The following PARG variants were observed in gnomAD, a reference collection of about 807,000 sequenced individuals.
PARG encodes the protein poly(ADP-ribose) glycohydrolase.
In PARG, 35 loss-of-function variants were observed where a neutral mutation model predicts 113.0. That is an observed-to-expected ratio of 0.31 (90% CI 0.24 to 0.41). The LOEUF is 0.41. Ranked by LOEUF, PARG falls within the 10% of genes least tolerant of loss-of-function variation. PARG has a pLI of 1.00. For synonymous variants in PARG, 330 were observed against 409.9 expected (o/e 0.81, Z 2.36); for missense variants, 797 against 1,169.4 (o/e 0.68, Z 4.64).
At chr10:49,931,172 G>A (rs1397821270) in intron 4 of PARG, among the ~76,000 whole-genome samples, 5 of 151,576 alleles carry the variant, frequency 3.3e-5, no homozygotes, top group East Asian at 1.9e-4. Context: ...CATAGCCCTC[G>A]TTATAGTCTT....
Position 49,933,724 on chromosome 10 carries a change from C to T in PARG, c.724G>A (p.Asp242Asn), listed in dbSNP as rs1282919973. 93 of 1,611,264 alleles carry T rather than the reference C, an allele frequency of 5.8e-5. No individual in the cohort carries two copies. The East Asian group carries it at 1.9e-3, about 34-fold the overall frequency. The change falls in exon 3 of 18, where the codon GAT becomes AAT. Residue 242 changes from aspartate (D) to asparagine (N), a missense_variant. Around this residue, in one of 5 missense-constraint regions of PARG, gnomAD observed 284 missense variants for 306.1 expected, o/e 0.93. Coordinates refer to ENST00000616448, the MANE Select transcript of PARG (RefSeq NM_003631.5). ...KSHQKCSKSC[D>N]PGEDCASCQQ... ...CAACTTGCACAGTCTTCCCCAGGAT[C>T]GCAAGACTTGCTGCACTTCTGGTGG...
At chr10:49,939,617 T>C (rs1838921720) in intron 1 of PARG, among the ~76,000 whole-genome samples, 2 of 152,306 alleles carry the variant, frequency 1.3e-5, no homozygotes, top group East Asian at 3.9e-4. Flanking sequence ...AACCACAGAA[T>C]AAGGTTGAAA....
intron 9 of PARG, among the ~76,000 whole-genome samples, chr10:49,875,737 T>TA (rs1846905323): frequency 1.3e-5 from 1 of 77,402 alleles, no homozygotes; most frequent in Admixed American, 1.6e-4. Flanking sequence ...GTAGTCTAGG[T>TA]AGTACAGTAG....
At chr10:49,896,327 T>C (rs540765701) in intron 7 of PARG, among the ~76,000 whole-genome samples, 1 of 152,268 alleles carries the variant, frequency 6.6e-6, no homozygotes, top group South Asian at 2.1e-4. Context: ...CTTTGTCAAC[T>C]AGGCTGGAGT....
intron 16 of PARG, among the ~76,000 whole-genome samples, chr10:49,826,960 G>T (rs1554829489): frequency 6.6e-6 from 1 of 152,178 alleles, no homozygotes; most frequent in Non-Finnish European, 1.5e-5. Context: ...CAAACAGAGG[G>T]AGAGCCTGAT....
intron 7 of PARG, among the ~76,000 whole-genome samples, chr10:49,910,452 G>A (rs1554845960): frequency 2.0e-5 from 3 of 151,960 alleles, no homozygotes; most frequent in African/African-American, 7.3e-5. Context: ...ACTTTTAAAT[G>A]TCCTCTCCTT....
chr10:49,834,879 T>A (rs1257342158), intron 15 of PARG, among the ~76,000 whole-genome samples: 2 of 152,094 alleles, frequency 1.3e-5, no homozygotes, highest in African/African-American at 4.8e-5. Flanking sequence ...AAAAATTAAA[T>A]GATAAAATTA....
chr10:49,820,080 T>C (rs948347016), intron 17 of PARG, 85 bp downstream of exon 17: 2 of 924,428 alleles, frequency 2.2e-6, no homozygotes, highest in Non-Finnish European at 3.3e-6. Flanking sequence ...GTACCCACTG[T>C]GATTCATCCA....
At chr10:49,895,023 T>C (rs1554842387) in intron 7 of PARG, among the ~76,000 whole-genome samples, 4 of 152,134 alleles carry the variant, frequency 2.6e-5, no homozygotes, top group African/African-American at 9.7e-5. Context: ...CCTCAGTGTC[T>C]TTGTCTCTGT....
intron 7 of PARG, chr10:49,910,060 A>T (rs542969231): frequency 4.3e-4 from 65 of 152,356 alleles, no homozygotes; most frequent in African/African-American, 1.5e-3. Context: ...TAATAACATG[A>T]TCAACTTAAT....
chr10:49,832,584 T>C (rs1844724875), intron 16 of PARG, among the ~76,000 whole-genome samples: 1 of 152,172 alleles, frequency 6.6e-6, no homozygotes, highest in African/African-American at 2.4e-5. Context: ...AAATACTGTG[T>C]CTGGGGGATC....
chr10:49,819,356 T>C lies in PARG; in HGVS notation c.2915A>G (p.Gln972Arg). The C allele has an allele frequency of 1.3e-6, 2 of 1,551,454 alleles. No individual in the cohort carries two copies. The stretch of plus-strand genomic sequence containing the variant: ...CTCGGCTCCTCAGGTCCCTGTCCTT[T>C]GCCCTGAATGGTCAGCGGTCTCTGC... ...SCAETADHSG[Q>R]RTGT Residue 972 changes from glutamine (Q) to arginine (R), a missense_variant, in exon 18 of 18, where the codon CAA becomes CGA. Around this residue, in one of 5 missense-constraint regions of PARG, gnomAD observed 194 missense variants for 247.1 expected, o/e 0.79. Transcript: ENST00000616448.
chr10:49,923,399 T>C (rs1420147499), intron 4 of PARG, among the ~76,000 whole-genome samples: 1 of 152,176 alleles, frequency 6.6e-6, no homozygotes. Flanking sequence ...ATATTAACTT[T>C]GTATTCTGAA....
intron 15 of PARG, among the ~76,000 whole-genome samples, chr10:49,834,460 A>G (rs1844817773): frequency 6.6e-6 from 1 of 152,208 alleles, no homozygotes; most frequent in Non-Finnish European, 1.5e-5. Flanking sequence ...ACTAAGGCCT[A>G]ATGATTGAGA....
chr10:49,840,023 A>G (rs1166938182), intron 15 of PARG, among the ~76,000 whole-genome samples: 2 of 152,238 alleles, frequency 1.3e-5, no homozygotes, highest in African/African-American at 4.8e-5. Flanking sequence ...TACTGGGGAC[A>G]ATTGCTTTAA....
rs1252245924 is a variant in PARG at position 49,932,514 on chromosome 10, C to T, written c.1272-231G>A. Reference sequence around the variant, plus strand: ...AAAGTTCCAAACACATGTAAATCACCTTCTCAAAACAGAAATGAGTCATGG... The same window carrying T: ...AAAGTTCCAAACACATGTAAATCACTTTCTCAAAACAGAAATGAGTCATGG... On this transcript the variant is annotated intron_variant, in intron 3 of 17. Transcript: ENST00000616448. 3.9e-5 allele frequency among the ~76,000 whole-genome samples: 6 copies of T among 152,188 alleles called. No individual in the cohort carries two copies. The East Asian group carries it at 1.2e-3, about 29-fold the overall frequency.
At chr10:49,899,744 C>T (rs1848264624) in intron 7 of PARG, among the ~76,000 whole-genome samples, 1 of 149,792 alleles carries the variant, frequency 6.7e-6, no homozygotes, top group Non-Finnish European at 1.5e-5. Flanking sequence ...GTGACACATA[C>T]AAATGGCTGT....
At chr10:49,927,385 A>AGAAG (rs1838254298) in intron 4 of PARG, among the ~76,000 whole-genome samples, 1 of 55,148 alleles carries the variant, frequency 1.8e-5, no homozygotes, top group African/African-American at 3.3e-5. Flanking sequence ...AAAGAAAGAA[A>AGAAG]GAAAGAAAGA....
rs1199852763 is a variant in PARG, at chr10:49,861,661, C to G, written c.2132G>C (p.Cys711Ser). The change falls in exon 12 of 18, where the codon TGT becomes TCT. Residue 711 changes from cysteine to serine, a missense_variant and splice_region_variant. This residue lies in a region of PARG where 40 missense variants were observed against 124.5 expected (regional missense o/e 0.32). Transcript: ENST00000616448. ...SLEDFPEWER[C>S]EKPLTRLHVT... ...ATGCAATCGTGTCAAGGGTTTTTCA[C>G]ATCTACAATATAAAAAGACATTCCC... is the stretch of plus-strand genomic sequence containing the variant. 1 of 1,126,180 alleles carries G rather than the reference C, an allele frequency of 8.9e-7. No individual in the cohort carries two copies. The highest frequency in any genetic ancestry group is 1.5e-5 in the African/African-American group (1 of 64,834). 69.8% of individuals were successfully genotyped at this position (1,126,180 alleles called of 1,614,324 possible).
Sources: allele counts gnomAD v4.1 joint callset (sites outside exome capture counted in the v4.1 genomes callset), GRCh38; gene constraint gnomAD v4.1.1; regional missense constraint gnomAD v4.1.1; transcripts MANE v1.5; gene names NCBI Gene and HGNC (gene_info 2026-07-23, HGNC 2026-07-21).